EDIL3: variants seen among roughly 807,000 people sequenced by gnomAD.
The protein encoded by EDIL3 is EGF-like repeat and discoidin I-like domain-containing protein 3.
In EDIL3, 37 loss-of-function variants were observed where a neutral mutation model predicts 67.4. That is an observed-to-expected ratio of 0.55 (90% CI 0.42 to 0.72). The LOEUF (loss-of-function observed/expected upper bound fraction) is 0.72, where lower values mean the gene tolerates loss of function less well. Among genes scored for constraint, EDIL3 ranks in the 30% least tolerant of loss-of-function variants. The pLI is 0.00. For synonymous variants in EDIL3, 195 were observed against 196.3 expected (o/e 0.99, Z 0.05); for missense variants, 527 against 586.3 (o/e 0.90, Z 1.04).
intron 1 of EDIL3, among the ~76,000 whole-genome samples, chr5:84,325,926 T>C (rs1176943131): frequency 6.6e-6 from 1 of 152,098 alleles, no homozygotes; most frequent in African/African-American, 2.4e-5. Context: ...GATGATGCTA[T>C]GGTTTGAATG....
At chr5:84,134,336 T>A (rs1748050545) in intron 5 of EDIL3, among the ~76,000 whole-genome samples, 1 of 152,200 alleles carries the variant, frequency 6.6e-6, no homozygotes, top group Non-Finnish European at 1.5e-5. Context: ...GCAGCCTTAA[T>A]ATACAGTTTA....
chr5:84,098,813 A>T (rs1214311849), intron 6 of EDIL3, among the ~76,000 whole-genome samples: 1 of 152,134 alleles, frequency 6.6e-6, no homozygotes, highest in Non-Finnish European at 1.5e-5. Context: ...AGTTAGAAAG[A>T]TCTCCATTTA....
chr5:84,133,563 G>C (rs935773209), intron 5 of EDIL3, among the ~76,000 whole-genome samples: 2 of 151,714 alleles, frequency 1.3e-5, no homozygotes, highest in Non-Finnish European at 2.9e-5. Flanking sequence ...TTGAACCCAG[G>C]AGGCAGTGAG....
intron 9 of EDIL3, among the ~76,000 whole-genome samples, chr5:84,057,946 G>T (rs1746478208): frequency 1.3e-5 from 2 of 152,004 alleles, no homozygotes; most frequent in Admixed American, 6.6e-5. Flanking sequence ...GTAAGAAAAT[G>T]GTATAGTGAC....
intron 1 of EDIL3, among the ~76,000 whole-genome samples, chr5:84,259,629 C>T (rs1745188696): frequency 6.6e-6 from 1 of 152,164 alleles, no homozygotes; most frequent in South Asian, 2.1e-4. Context: ...TGTTTGCCTG[C>T]TCTTTCCACC....
chr5:84,340,948 C>A (rs370546400), intron 1 of EDIL3, among the ~76,000 whole-genome samples: 2 of 151,952 alleles, frequency 1.3e-5, no homozygotes, highest in Non-Finnish European at 2.9e-5. Context: ...CCTGCCACCA[C>A]CGCATCATCC....
At chr5:84,163,197 T>C (rs1422979264) in intron 4 of EDIL3, among the ~76,000 whole-genome samples, 1 of 151,986 alleles carries the variant, frequency 6.6e-6, no homozygotes, top group African/African-American at 2.4e-5. Context: ...AAACAGAAAA[T>C]GACCAGGAAG....
intron 1 of EDIL3, among the ~76,000 whole-genome samples, chr5:84,350,132 G>A (rs1351332956): frequency 6.6e-6 from 1 of 151,928 alleles, no homozygotes; most frequent in Non-Finnish European, 1.5e-5. Flanking sequence ...TTAGCTTAAG[G>A]TATTTATGTC....
intron 9 of EDIL3, among the ~76,000 whole-genome samples, chr5:83,971,380 C>T (rs1744789893): frequency 6.6e-6 from 1 of 150,900 alleles, no homozygotes; most frequent in Admixed American, 6.6e-5. Context: ...AGGCTCAAGC[C>T]ATCCTCTTGT....
In EDIL3 at chr5:84,168,538, A is replaced by G. The variant is rs73769758; in HGVS notation, c.355+11855T>C. ...ATAGAAAGAGTGGCAATCACAATGC[A>G]TACTTGAAATCATAAGAACAGTATA... On this transcript the variant is annotated intron_variant, in intron 4 of 10. Transcript: ENST00000296591. Among the ~76,000 whole-genome samples, 297 of 152,304 alleles carry G rather than the reference A, an allele frequency of 2.0e-3. 3 individuals are homozygous for G. The highest frequency in any genetic ancestry group is 6.8e-3 in the African/African-American group (284 of 41,580).
chr5:84,112,235 A>T (rs1482069563), intron 5 of EDIL3, among the ~76,000 whole-genome samples: 1 of 152,212 alleles, frequency 6.6e-6, no homozygotes, highest in East Asian at 1.9e-4. Flanking sequence ...AGTAGATTTA[A>T]GACGGGACAA....
intron 4 of EDIL3, among the ~76,000 whole-genome samples, chr5:84,155,312 A>G (rs536716130): frequency 1.1e-4 from 17 of 152,156 alleles, no homozygotes; most frequent in Non-Finnish European, 1.6e-4. Flanking sequence ...TCGTCTTTTA[A>G]TATATGGTTG....
At chr5:84,081,372 C>T (rs1167428695) in intron 6 of EDIL3, among the ~76,000 whole-genome samples, 1 of 152,032 alleles carries the variant, frequency 6.6e-6, no homozygotes, top group African/African-American at 2.4e-5. Flanking sequence ...TTAAGGTAGT[C>T]TCGAACTCTT....
intron 1 of EDIL3, among the ~76,000 whole-genome samples, chr5:84,307,105 T>C (rs867601309): frequency 7.2e-5 from 11 of 152,148 alleles, no homozygotes; most frequent in African/African-American, 2.7e-4. Flanking sequence ...GAAGGTACAA[T>C]TGAAGAATGA....
chr5:84,120,004 A>G (rs1747742948), intron 5 of EDIL3, among the ~76,000 whole-genome samples: 1 of 151,928 alleles, frequency 6.6e-6, no homozygotes, highest in African/African-American at 2.4e-5. Flanking sequence ...AATTCACAAA[A>G]TGCCCCTTGG....
chr5:84,111,630 T>C (rs951178389), intron 5 of EDIL3, among the ~76,000 whole-genome samples: 3 of 152,080 alleles, frequency 2.0e-5, no homozygotes, highest in Non-Finnish European at 2.9e-5. Flanking sequence ...AACAAACACT[T>C]AAACAAGAAA....
At chr5:84,329,102 T>A (rs1209707483) in intron 1 of EDIL3, among the ~76,000 whole-genome samples, 2 of 152,120 alleles carry the variant, frequency 1.3e-5, no homozygotes, top group Non-Finnish European at 2.9e-5. Flanking sequence ...AGTGTGTATC[T>A]GCTTTGAGAA....
chr5:84,226,706 T>C (rs1347421687), intron 3 of EDIL3, among the ~76,000 whole-genome samples: 5 of 151,974 alleles, frequency 3.3e-5, no homozygotes, highest in Admixed American at 6.6e-5. Context: ...TGTGAAATTA[T>C]GTAGCTAAAT....
chr5:84,038,397 A>G (rs562143904), intron 9 of EDIL3, among the ~76,000 whole-genome samples: 2 of 152,286 alleles, frequency 1.3e-5, no homozygotes, highest in South Asian at 2.1e-4. Flanking sequence ...CACAGCTTAA[A>G]GGAATATGTC....
Sources: allele counts gnomAD v4.1 joint callset (sites outside exome capture counted in the v4.1 genomes callset), GRCh38; gene constraint gnomAD v4.1.1; transcripts MANE v1.5; gene names NCBI Gene and HGNC (gene_info 2026-07-23, HGNC 2026-07-21).